PRKG1: variants seen among roughly 807,000 people sequenced by gnomAD.
PRKG1 encodes the protein cGMP-dependent protein kinase 1.
In PRKG1, 35 loss-of-function variants were observed where a neutral mutation model predicts 88.1. The observed-to-expected ratio is 0.40, with a 90% CI of 0.30 to 0.53. PRKG1 has a LOEUF of 0.53. PRKG1 is among the 20% of genes least tolerant of loss of function. PRKG1 has a pLI of 0.59. For missense variants in PRKG1, 540 were observed against 839.8 expected (o/e 0.64, Z 4.41); for synonymous variants, 303 against 292.5 (o/e 1.04, Z -0.37).
chr10:51,319,291 T>C (rs1050038221), intron 2 of PRKG1, among the ~76,000 whole-genome samples: 4 of 152,200 alleles, frequency 2.6e-5, no homozygotes, highest in Non-Finnish European at 5.9e-5. Context: ...CAAGCTCTAT[T>C]CCTCCAGGGA....
At chr10:51,886,838 C>T (rs902017399) in intron 4 of PRKG1, among the ~76,000 whole-genome samples, 5 of 152,164 alleles carry the variant, frequency 3.3e-5, no homozygotes, top group Admixed American at 3.3e-4. Flanking sequence ...TCAAGTCACT[C>T]AGTTGGTCCT....
chr10:52,119,930 CGAGACAGA>C (rs1488931412), intron 7 of PRKG1, among the ~76,000 whole-genome samples: 2 of 142,708 alleles, frequency 1.4e-5, no homozygotes, highest in Non-Finnish European at 3.1e-5. Flanking sequence ...AGGGAAAGAG[CGAGACAGA>C]GAGACAGAGA....
intron 2 of PRKG1, among the ~76,000 whole-genome samples, chr10:51,391,932 A>C (rs986894344): frequency 4.6e-5 from 7 of 152,200 alleles, no homozygotes; most frequent in African/African-American, 1.2e-4. Flanking sequence ...TTCCTTGCCC[A>C]TGAAAGTTAT....
At chr10:51,544,730 AT>A (rs897110014) in intron 3 of PRKG1, among the ~76,000 whole-genome samples, 1 of 152,036 alleles carries the variant, frequency 6.6e-6, no homozygotes, top group African/African-American at 2.4e-5. Flanking sequence ...GTTTCCTGAC[AT>A]TTTAATGATC....
intron 3 of PRKG1, among the ~76,000 whole-genome samples, chr10:51,796,428 C>T (rs374313720): frequency 6.6e-6 from 1 of 151,648 alleles, no homozygotes; most frequent in Non-Finnish European, 1.5e-5. Context: ...TTTTTCATAC[C>T]ATCTTCTAAA....
intron 3 of PRKG1, among the ~76,000 whole-genome samples, chr10:51,574,171 A>G (rs1837828097): frequency 6.6e-6 from 1 of 151,944 alleles, no homozygotes; most frequent in African/African-American, 2.4e-5. Flanking sequence ...ATAGATATTT[A>G]TTTGATTTGT....
Position 51,973,737 on chromosome 10 carries a change from T to C in PRKG1, c.762+66167T>C, listed in dbSNP as rs144276548. Among the ~76,000 whole-genome samples, 44 of 152,234 alleles carry C rather than the reference T, an allele frequency of 2.9e-4. No individual in the cohort carries two copies. In the East Asian group the frequency reaches 6.6e-3, roughly 23 times the overall value. On this transcript the variant is annotated intron_variant, in intron 5 of 17. Coordinates refer to ENST00000373980, the MANE Select transcript of PRKG1 (RefSeq NM_006258.4). ...TCTTTGGTGGACTTTTCCTTATATC[T>C]CATAGATCAGAAACACATCACATAG...
At chr10:51,074,355 T>C (rs1589133467), upstream of PRKG1, 1 of 1,078,430 alleles carries the variant, frequency 9.3e-7, no homozygotes. Context: ...GCTGGTTTGC[T>C]CTCCCCGCTC....
At chr10:51,686,181 T>C (rs1589195952) in intron 3 of PRKG1, among the ~76,000 whole-genome samples, 1 of 150,722 alleles carries the variant, frequency 6.6e-6, no homozygotes, top group Admixed American at 6.6e-5. Flanking sequence ...CAGGGGTCCA[T>C]GTGTAGGTTT....
chr10:52,042,070 G>A (rs1053267530), intron 5 of PRKG1, among the ~76,000 whole-genome samples: 1 of 152,012 alleles, frequency 6.6e-6, no homozygotes. Context: ...GAGAACAGAA[G>A]TAAACAGAAG....
chr10:52,120,588 G>C (rs991803006), intron 7 of PRKG1, among the ~76,000 whole-genome samples: 1 of 152,128 alleles, frequency 6.6e-6, no homozygotes, highest in African/African-American at 2.4e-5. Flanking sequence ...AGAAGAAAGG[G>C]GTAACTGATC....
Position 50,991,685 on chromosome 10 carries a change from CG to C in PRKG1, c.266+42del. 2 of 1,385,950 alleles carry C rather than the reference CG, an allele frequency of 1.4e-6. No individual in the cohort carries two copies. Among genetic ancestry groups the C allele is most frequent in the Non-Finnish European group, 1.9e-6 (2 of 1,063,314 alleles). The allele number at this position is 1,385,950 out of a possible 1,614,324, so 85.9% of individuals were successfully genotyped here. A position where few individuals can be genotyped will look rare whatever the true frequency, so the allele number is the denominator to read the frequency against. ...GTGGGCCCGGGCGCTCGTCCCGGCC[CG>C]CGGCGCAGAGGCTGGGGGCTCTGGC... On this transcript the variant is annotated intron_variant, in intron 1 of 17. Transcript: ENST00000401604. The surrounding 1 kb of genome is among the most constrained non-coding windows in gnomAD (Gnocchi z 4.5).
chr10:51,514,279 CTAAT>C (rs1450223740), intron 3 of PRKG1, among the ~76,000 whole-genome samples: 11 of 152,098 alleles, frequency 7.2e-5, no homozygotes, highest in African/African-American at 2.7e-4. Flanking sequence ...CACATACACT[CTAAT>C]TAATTTTTAT....
chr10:51,854,913 A>G (rs899666531), intron 4 of PRKG1, among the ~76,000 whole-genome samples: 4 of 152,288 alleles, frequency 2.6e-5, no homozygotes, highest in East Asian at 1.9e-4. Flanking sequence ...CAGAGTGCAT[A>G]TATGTGGTTT....
intron 3 of PRKG1, among the ~76,000 whole-genome samples, chr10:51,655,819 G>T (rs761841499): frequency 6.6e-6 from 1 of 152,122 alleles, no homozygotes; most frequent in Non-Finnish European, 1.5e-5. Context: ...TTAGCATAGA[G>T]ATGTGATGTT....
At chr10:52,157,082 G>A (rs187616098) in intron 8 of PRKG1, among the ~76,000 whole-genome samples, 5 of 151,134 alleles carry the variant, frequency 3.3e-5, no homozygotes, top group Admixed American at 3.3e-4. Context: ...AATGTTATGA[G>A]ACTTTCTCCC....
rs75335498 is a variant in PRKG1 at position 51,629,709 on chromosome 10, T to C, written c.592+161873T>C. On this transcript the variant is annotated intron_variant, in intron 3 of 17. Coordinates refer to ENST00000373980, the MANE Select transcript of PRKG1 (RefSeq NM_006258.4). Reference sequence around the variant, plus strand: ...CATCACCATTTGTGATTTCAAGCAATTGACCCTCTTCTAGCATGGACAAAG... The same window carrying C: ...CATCACCATTTGTGATTTCAAGCAACTGACCCTCTTCTAGCATGGACAAAG... Among the ~76,000 whole-genome samples, 116 of 152,302 alleles carry C rather than the reference T, an allele frequency of 7.6e-4. No individual in the cohort carries two copies. The East Asian group carries it at 0.022, about 29-fold the overall frequency.
chr10:51,312,028 C>T (rs1841201482), intron 2 of PRKG1, among the ~76,000 whole-genome samples: 1 of 152,030 alleles, frequency 6.6e-6, no homozygotes, highest in African/African-American at 2.4e-5. Flanking sequence ...TGTGCCACCA[C>T]ACCCGGCTAA....
intron 2 of PRKG1, among the ~76,000 whole-genome samples, chr10:51,394,014 C>T (rs1837510248): frequency 1.3e-5 from 2 of 152,116 alleles, no homozygotes; most frequent in African/African-American, 4.8e-5. Context: ...CTTCTCTTGA[C>T]CTCTGAGGGG....
Sources: gnomAD v4.1 joint callset for allele counts (sites outside exome capture counted in the v4.1 genomes callset) on GRCh38, gnomAD v4.1.1 for gene constraint, Gnocchi (gnomAD v3.1) non-coding constraint, MANE v1.5 for transcripts, NCBI Gene and HGNC (gene_info 2026-07-23, HGNC 2026-07-21) for gene names.